The following POT1 variants were observed in gnomAD, a reference collection of about 807,000 sequenced individuals.
POT1 encodes the protein protection of telomeres protein 1.
Under a neutral mutation model 78.5 loss-of-function variants are expected in POT1, and 47 were observed. That is an observed-to-expected ratio of 0.60 (90% CI 0.47 to 0.76). The LOEUF is 0.76. Among genes scored for constraint, POT1 ranks in the 30% least tolerant of loss-of-function variants. The pLI, the probability that POT1 is intolerant of heterozygous loss-of-function variation, is 0.00. For synonymous variants in POT1, 259 were observed against 260.7 expected (o/e 0.99, Z 0.06); for missense variants, 646 against 749.9 (o/e 0.86, Z 1.62).
chr7:124,898,398 T>G (rs1657928416), intron 3 of POT1, 24 bp from the exon 4 acceptor site: 1 of 151,864 alleles, frequency 6.6e-6, no homozygotes, highest in Non-Finnish European at 1.5e-5. Flanking sequence ...AAAAAGTTTT[T>G]GAATCAATCA....
intron 2 of POT1, among the ~76,000 whole-genome samples, chr7:124,917,824 C>T (rs2116703793): frequency 6.6e-6 from 1 of 152,210 alleles, no homozygotes; most frequent in East Asian, 1.9e-4. Context: ...GCAAAAAGCA[C>T]CTAAGCATGT....
At chr7:124,845,720 T>C (rs1795147388) in intron 12 of POT1, among the ~76,000 whole-genome samples, 1 of 152,192 alleles carries the variant, frequency 6.6e-6, no homozygotes, top group African/African-American at 2.4e-5. Context: ...TGGTAGCTTT[T>C]TTTTTTCTAA....
rs371992419 is a variant in POT1 at position 124,841,108 on chromosome 7, T to C, written c.1234A>G (p.Lys412Glu). The C allele has an allele frequency of 5.0e-6, 8 of 1,612,842 alleles. No homozygotes were observed. The highest frequency in any genetic ancestry group is 1.3e-5 in the African/African-American group (1 of 74,874). The change falls in exon 14 of 19, where the codon AAG becomes GAG. Residue 412 changes from lysine to glutamate, a missense_variant. Coordinates refer to ENST00000357628, the MANE Select transcript of POT1 (RefSeq NM_015450.3). ...QDGATKTPDV[K>E]LQNTSLYDSK... ...TCATATAATGATGTATTTTGTAGCTTGACATCTGGGGTTTTAGTTGCACCA... is the reference window on the plus strand; with the variant it reads ...TCATATAATGATGTATTTTGTAGCTCGACATCTGGGGTTTTAGTTGCACCA...
At chr7:124,914,973 AC>A (rs1796983167) in intron 3 of POT1, among the ~76,000 whole-genome samples, 1 of 152,102 alleles carries the variant, frequency 6.6e-6, no homozygotes, top group African/African-American at 2.4e-5. Context: ...ATGCTCTACC[AC>A]CTTAACTTGC....
chr7:124,868,770 T>A (rs900795088), intron 7 of POT1, among the ~76,000 whole-genome samples: 23 of 150,030 alleles, frequency 1.5e-4, no homozygotes, highest in Non-Finnish European at 3.1e-4. Context: ...ATGTTCAATA[T>A]AATTCAATAT....
At chr7:124,920,755 G>T (rs1356308323) in intron 2 of POT1, among the ~76,000 whole-genome samples, 1 of 151,976 alleles carries the variant, frequency 6.6e-6, no homozygotes, top group Non-Finnish European at 1.5e-5. Context: ...AACCCTAGTA[G>T]ATACTAATGT....
intron 3 of POT1, among the ~76,000 whole-genome samples, chr7:124,914,842 C>T (rs985574685): frequency 3.9e-5 from 6 of 152,080 alleles, no homozygotes; most frequent in African/African-American, 1.2e-4. Flanking sequence ...GCTCCTGGAA[C>T]TAATCTCATG....
intron 7 of POT1, among the ~76,000 whole-genome samples, chr7:124,867,468 T>C (rs1253870154): frequency 6.6e-6 from 1 of 152,072 alleles, no homozygotes; most frequent in African/African-American, 2.4e-5. Flanking sequence ...TATTTCTGTT[T>C]CTCCAATACC....
At chr7:124,883,433 T>C (rs1433770059) in intron 6 of POT1, among the ~76,000 whole-genome samples, 3 of 152,126 alleles carry the variant, frequency 2.0e-5, no homozygotes, top group Non-Finnish European at 4.4e-5. Flanking sequence ...AACAATGACA[T>C]ATATAACTTT....
At chr7:124,873,542 GT>G (rs1318938238) in intron 6 of POT1, among the ~76,000 whole-genome samples, 5 of 152,172 alleles carry the variant, frequency 3.3e-5, no homozygotes, top group African/African-American at 1.2e-4. Flanking sequence ...TTGGCCTGTA[GT>G]TTTTTTGCTT....
At chr7:124,829,699 GATCTAT>G (rs60869743) in intron 15 of POT1, among the ~76,000 whole-genome samples, 3,487 of 148,520 alleles carry the variant, frequency 0.023, 76 homozygotes, top group African/African-American at 0.058. Flanking sequence ...CTGATTCTAT[GATCTAT>G]ATCTATATCT....
intron 7 of POT1, among the ~76,000 whole-genome samples, chr7:124,865,281 G>A (rs1056854591): frequency 7.2e-5 from 11 of 151,956 alleles, no homozygotes; most frequent in Admixed American, 5.9e-4. Flanking sequence ...GTCTGGATGT[G>A]CGTTTCTTTG....
At chr7:124,908,939 T>A (rs1437454518) in intron 3 of POT1, among the ~76,000 whole-genome samples, 1 of 151,842 alleles carries the variant, frequency 6.6e-6, no homozygotes, top group Admixed American at 6.6e-5. Flanking sequence ...TAATCAAACA[T>A]CTTCATTTTT....
intron 12 of POT1, among the ~76,000 whole-genome samples, chr7:124,845,511 T>C (rs906091906): frequency 4.6e-5 from 7 of 152,190 alleles, no homozygotes; most frequent in Admixed American, 4.6e-4. Flanking sequence ...AGTGTTTCTA[T>C]TACTGTAGAC....
intron 2 of POT1, among the ~76,000 whole-genome samples, chr7:124,916,971 C>CA (rs143688207): frequency 0.025 from 3,679 of 148,076 alleles, 143 homozygotes; most frequent in African/African-American, 0.085. Context: ...GGGAGAAGGG[C>CA]AAAAAAAAAC....
intron 3 of POT1, among the ~76,000 whole-genome samples, chr7:124,908,295 T>C (rs1425216283): frequency 6.6e-6 from 1 of 152,020 alleles, no homozygotes. Context: ...ATGTATTTCA[T>C]GAGCATTTGC....
Position 124,897,238 on chromosome 7 carries a change from T to G in POT1, c.-39-26A>C, listed in dbSNP as rs528442672. ...CTGAAGGAAAAAAAGAAAGAACTTA[T>G]TTGTATACAGATAACCTCCAATGTG... On this transcript the variant is annotated intron_variant, in intron 4 of 18. Coordinates refer to ENST00000357628, the MANE Select transcript of POT1 (RefSeq NM_015450.3). 3.9e-5 allele frequency: 43 copies of G among 1,114,176 alleles called. 1 individual carries two copies. The South Asian group carries it at 5.6e-4, about 14-fold the overall frequency. 69.0% of individuals were successfully genotyped at this position (1,114,176 alleles called of 1,614,324 possible).
chr7:124,901,631 G>A (rs1211304192), intron 3 of POT1, among the ~76,000 whole-genome samples: 1 of 152,172 alleles, frequency 6.6e-6, no homozygotes, highest in Non-Finnish European at 1.5e-5. Context: ...TCCTCCAAAG[G>A]ATCACAGCTC....
intron 2 of POT1, among the ~76,000 whole-genome samples, chr7:124,919,102 C>T (rs1047001406): frequency 6.6e-6 from 1 of 152,078 alleles, no homozygotes; most frequent in African/African-American, 2.4e-5. Context: ...CGAGGCTATA[C>T]AATATAGCTT....
Sources: gnomAD v4.1 joint callset for allele counts (sites outside exome capture counted in the v4.1 genomes callset) on GRCh38, gnomAD v4.1.1 for gene constraint, MANE v1.5 for transcripts, NCBI Gene and HGNC (gene_info 2026-07-23, HGNC 2026-07-21) for gene names.